The following SLC12A2 variants were observed in gnomAD, a reference collection of about 807,000 sequenced individuals.
SLC12A2 encodes the protein solute carrier family 12 member 2, also known as Na-K-2Cl cotransporter 1.
A neutral mutation model predicts 136.3 loss-of-function variants in SLC12A2; 67 were observed. That is an observed-to-expected ratio of 0.49 (90% CI 0.40 to 0.60). The LOEUF is 0.60. Ranked by LOEUF, SLC12A2 falls within the 20% of genes least tolerant of loss-of-function variation. The probability of loss-of-function intolerance (pLI) is 0.00; values close to 1 mark genes in which losing one functional copy is unlikely to be tolerated. For missense variants in SLC12A2, 1,322 were observed against 1,534.7 expected (o/e 0.86, Z 2.32); for synonymous variants, 619 against 562.9 (o/e 1.10, Z -1.41).
At chr5:128,158,191 C>T in intron 16 of SLC12A2, 27 bp downstream of exon 16, 3 of 1,550,952 alleles carry the variant, frequency 1.9e-6, no homozygotes, top group Non-Finnish European at 2.6e-6. Flanking sequence ...TTTTCTTTTT[C>T]AAGTTTTTTT....
Position 128,188,582 on chromosome 5 carries a change from T to TG in SLC12A2, c.*1952dup. On this transcript the variant is annotated 3_prime_UTR_variant, in exon 27 of 27. Coordinates refer to ENST00000262461, the MANE Select transcript of SLC12A2 (RefSeq NM_001046.3). Reference sequence around the variant, plus strand: ...TGCTGGGATTACAGGTGCGAGCCACTGCGCCTGGCTGGTTTTCATGAATCT... The same window carrying TG: ...TGCTGGGATTACAGGTGCGAGCCACTGGCGCCTGGCTGGTTTTCATGAATCT... The TG allele has an allele frequency of 6.6e-6, 1 of 152,144 alleles. No individual in the cohort carries two copies. Among genetic ancestry groups the TG allele is most frequent in the East Asian group, 1.9e-4 (1 of 5,154 alleles). The allele number at this position is 152,144 out of a possible 1,614,324, so 9.4% of individuals were successfully genotyped here. A position where few individuals can be genotyped will look rare whatever the true frequency, so the allele number is the denominator to read the frequency against.
intron 1 of SLC12A2, chr5:128,110,384 A>G: frequency 1.0e-6 from 1 of 1,004,560 alleles, no homozygotes; most frequent in East Asian, 2.4e-5. Context: ...CTCCCTGGGA[A>G]AGCAAAAACT....
intron 10 of SLC12A2, among the ~76,000 whole-genome samples, chr5:128,145,135 T>C (rs1386162488): frequency 6.6e-6 from 1 of 152,106 alleles, no homozygotes; most frequent in African/African-American, 2.4e-5. Context: ...ACATAGTATT[T>C]CCAGATGAAA....
intron 4 of SLC12A2, among the ~76,000 whole-genome samples, chr5:128,121,723 G>A (rs1257744600): frequency 6.6e-6 from 1 of 152,124 alleles, no homozygotes; most frequent in African/African-American, 2.4e-5. Context: ...AACTGATAAC[G>A]TTTACTTTAT....
rs1175910108 is a variant in SLC12A2 at position 128,084,221 on chromosome 5, C to G, written c.267C>G (p.Asn89Lys). The G allele has an allele frequency of 1.6e-6, 2 of 1,278,586 alleles. No homozygotes were observed. The highest frequency in any genetic ancestry group is 2.0e-6 in the Non-Finnish European group (2 of 1,022,112). 79.2% of individuals were successfully genotyped at this position (1,278,586 alleles called of 1,614,324 possible). ...SRFQVDLVSE[N>K]AGRAAAAAAA... ...TCCAGGTGGACCTGGTTTCCGAGAA[C>G]GCCGGGCGGGCCGCTGCTGCGGCGG... The change falls in exon 1 of 27, where the codon AAC becomes AAG. Residue 89 changes from asparagine to lysine, a missense_variant. By Grantham distance (94) the Asn-to-Lys change is moderately conservative. Around this residue, in one of 8 missense-constraint regions of SLC12A2, gnomAD observed 358 missense variants for 299.7 expected, o/e 1.19. Transcript: ENST00000262461. This position sits in a 1 kb window ranked among gnomAD's most constrained non-coding sequence, Gnocchi z 5.6.
intron 1 of SLC12A2, among the ~76,000 whole-genome samples, chr5:128,103,286 A>G (rs1760811231): frequency 6.6e-6 from 1 of 152,190 alleles, no homozygotes; most frequent in African/African-American, 2.4e-5. Flanking sequence ...GGAGTGGATA[A>G]TATCCCCATT....
intron 19 of SLC12A2, among the ~76,000 whole-genome samples, chr5:128,172,495 A>G (rs561327964): frequency 5.3e-5 from 8 of 152,332 alleles, no homozygotes; most frequent in African/African-American, 1.2e-4. Flanking sequence ...AGGTCTCCCT[A>G]TGTGTTCCCC....
intron 26 of SLC12A2, 32 bp from the exon 27 acceptor site, chr5:128,186,464 T>TG: frequency 1.3e-5 from 21 of 1,565,036 alleles, no homozygotes; most frequent in Non-Finnish European, 1.8e-5. Context: ...GCTCAGGGTT[T>TG]TTTTTTTTTC....
intron 20 of SLC12A2, among the ~76,000 whole-genome samples, chr5:128,176,037 C>A (rs115814737): frequency 6.6e-6 from 1 of 151,600 alleles, no homozygotes; most frequent in African/African-American, 2.4e-5. Flanking sequence ...ACTATAGAAA[C>A]GTTTATACAT....
At chr5:128,185,065 CT>C (rs1479106609) in intron 26 of SLC12A2, among the ~76,000 whole-genome samples, 2 of 152,018 alleles carry the variant, frequency 1.3e-5, no homozygotes, top group Admixed American at 1.3e-4. Flanking sequence ...CCCAAGTAAT[CT>C]TTTTATCATA....
chr5:128,152,713 T>C lies in SLC12A2; in HGVS notation c.2271T>C (p.Asn757=), dbSNP rs1027397058. The stretch of plus-strand genomic sequence containing the variant: ...AACATTATCTTCCCACAGATGTGAA[T>C]TGGGGATCCTCTACACAAGCCCTGA... ...IYVTYKKPDV[N]WGSSTQALTY... Residue 757 remains asparagine, a synonymous_variant, in exon 15 of 27, where the codon AAT becomes AAC. Coordinates refer to ENST00000262461, the MANE Select transcript of SLC12A2 (RefSeq NM_001046.3). The C allele has an allele frequency of 9.3e-6, 15 of 1,606,194 alleles. No individual in the cohort carries two copies. The highest frequency in any genetic ancestry group is 1.6e-4 in the Middle Eastern group (1 of 6,070).
At chr5:128,159,629 T>C (rs1762970998) in intron 16 of SLC12A2, among the ~76,000 whole-genome samples, 1 of 151,848 alleles carries the variant, frequency 6.6e-6, no homozygotes, top group Non-Finnish European at 1.5e-5. Flanking sequence ...TCAACAAACA[T>C]ATGAAAAAAA....
In SLC12A2 at chr5:128,132,306, G is replaced by A. The variant is rs76695851; in HGVS notation, c.1188+1100G>A. Among the ~76,000 whole-genome samples, 846 of 152,212 alleles carry A rather than the reference G, an allele frequency of 5.6e-3. 3 individuals are homozygous for A. Among genetic ancestry groups the A allele is most frequent in the Middle Eastern group, 0.024 (7 of 294 alleles). On this transcript the variant is annotated intron_variant, in intron 5 of 26. Coordinates refer to ENST00000262461, the MANE Select transcript of SLC12A2 (RefSeq NM_001046.3). The stretch of plus-strand genomic sequence containing the variant: ...ATATTAAAACAGTGACTTGTGGAGC[G>A]GGAAAGATGTGGGCGAATTTGGGAG...
intron 17 of SLC12A2, among the ~76,000 whole-genome samples, chr5:128,164,965 C>A (rs1282847337): frequency 6.6e-6 from 1 of 151,628 alleles, no homozygotes; most frequent in Non-Finnish European, 1.5e-5. Context: ...ACCTCAGCCT[C>A]CTGAGTAGCT....
At chr5:128,152,826 C>A in intron 15 of SLC12A2, 21 bp downstream of exon 15, 1 of 1,399,738 alleles carries the variant, frequency 7.1e-7, no homozygotes, top group Non-Finnish European at 1.0e-6. Context: ...AAGAAGGAAA[C>A]ATGGAAGCAT....
Position 128,083,836 on chromosome 5 carries a change from G to A in SLC12A2, c.-119G>A. ...AGGCTAGCGGCGGCCCGCAGGCGGC[G>A]GGGAGAAAGACTCTCTCACCTGGTC... On this transcript the variant is annotated 5_prime_UTR_variant, in exon 1 of 27. Transcript: ENST00000262461. 1.3e-6 allele frequency: 1 copy of A among 764,846 alleles called. No homozygotes were observed. The highest frequency in any genetic ancestry group is 3.6e-5 in the East Asian group (1 of 27,690). The allele number at this position is 764,846 out of a possible 1,614,324, so 47.4% of individuals were successfully genotyped here. A position where few individuals can be genotyped will look rare whatever the true frequency, so the allele number is the denominator to read the frequency against.
chr5:128,085,306 T>A (rs1760059946), intron 1 of SLC12A2, among the ~76,000 whole-genome samples: 1 of 151,712 alleles, frequency 6.6e-6, no homozygotes, highest in Non-Finnish European at 1.5e-5. Flanking sequence ...GCATAACTCT[T>A]TTTTTTTGCG....
At chr5:128,184,540 A>C (rs202073220) in intron 25 of SLC12A2, 39 bp downstream of exon 25, 507 of 1,498,722 alleles carry the variant, frequency 3.4e-4, no homozygotes, top group Non-Finnish European at 4.4e-4. Flanking sequence ...TCTTTTATAT[A>C]ATAAAAGACA....
chr5:128,109,617 C>T (rs890557074), intron 1 of SLC12A2: 2 of 762,686 alleles, frequency 2.6e-6, no homozygotes, highest in Non-Finnish European at 2.4e-6. Context: ...ATCGTCCTTC[C>T]TACCCAGTAT....
Sources: allele counts gnomAD v4.1 joint callset (sites outside exome capture counted in the v4.1 genomes callset), GRCh38; gene constraint gnomAD v4.1.1; regional missense constraint gnomAD v4.1.1; non-coding constraint Gnocchi (gnomAD v3.1); transcripts MANE v1.5; gene names NCBI Gene and HGNC (gene_info 2026-07-23, HGNC 2026-07-21).